RAB3IL1: variants seen among roughly 807,000 people sequenced by gnomAD.
RAB3IL1 encodes the protein RAB3A interacting protein like 1, also known as guanine nucleotide exchange factor for Rab-3A.
RAB3IL1 carries 37 observed loss-of-function variants against 49.2 expected under a neutral mutation model. The observed-to-expected ratio is 0.75, with a 90% CI of 0.58 to 0.99. RAB3IL1 has a LOEUF of 0.99. Ranked by LOEUF, RAB3IL1 falls within the 50% of genes least tolerant of loss-of-function variation. The pLI, the probability that RAB3IL1 is intolerant of heterozygous loss-of-function variation, is 0.00. For synonymous variants in RAB3IL1, 193 were observed against 213.9 expected (o/e 0.90, Z 0.85); for missense variants, 484 against 513.0 (o/e 0.94, Z 0.55).
the RAB3IL1 span, among the ~76,000 whole-genome samples, chr11:61,944,190 TC>T: frequency 3.5e-5 from 5 of 141,894 alleles, no homozygotes; most frequent in Non-Finnish European, 6.2e-5. Flanking sequence ...TTCCCTTCCT[TC>T]CCTTCCTTCC....
the RAB3IL1 span, among the ~76,000 whole-genome samples, chr11:61,938,642 T>C: frequency 6.6e-6 from 1 of 152,132 alleles, no homozygotes; most frequent in Non-Finnish European, 1.5e-5. Flanking sequence ...GCTGGAAATA[T>C]CGGCTGAGCA....
At chr11:61,911,994 G>C (rs966515976) in intron 1 of RAB3IL1, among the ~76,000 whole-genome samples, 7 of 152,224 alleles carry the variant, frequency 4.6e-5, no homozygotes, top group African/African-American at 1.4e-4. Context: ...CCCCAAGCCA[G>C]CAGGGCCTGG....
intron 2 of RAB3IL1, 110 bp downstream of exon 2, chr11:61,907,944 G>A: frequency 6.8e-7 from 1 of 1,471,848 alleles, no homozygotes. Context: ...CCTCGGTGAG[G>A]GCACATCCCT....
chr11:61,937,161 T>C, the RAB3IL1 span, among the ~76,000 whole-genome samples: 3 of 152,192 alleles, frequency 2.0e-5, no homozygotes, highest in African/African-American at 4.8e-5. Context: ...TTGATGGGCA[T>C]GTAAGGCATA....
rs763399195 is a variant in RAB3IL1, at chr11:61,904,582, G to A, written c.863C>T (p.Thr288Ile). ...IEPVASQTLP[T>I]VKVAEVDCSS... is the part of the protein sequence containing the mutation. ...ACAGTCAACCTCGGCCACCTTCACT[G>A]TGGGCAGCGTCTGCGAAGCCACCGG... Residue 288 changes from threonine to isoleucine, a missense_variant, in exon 7 of 10, where the codon ACA (threonine) becomes ATA (isoleucine). Coordinates refer to ENST00000394836, the MANE Select transcript of RAB3IL1 (RefSeq NM_013401.4). The A allele has an allele frequency of 1.9e-6, 3 of 1,613,012 alleles. No homozygotes were observed. Among genetic ancestry groups the A allele is most frequent in the East Asian group, 2.2e-5 (1 of 44,898 alleles).
At chr11:61,917,666 C>G, upstream of RAB3IL1, 1 of 722,658 alleles carries the variant, frequency 1.4e-6, no homozygotes, top group Non-Finnish European at 1.7e-6. Flanking sequence ...CTGGCCCCAC[C>G]CGGCCCGCCG....
At chr11:61,912,133 C>G (rs974412066) in intron 1 of RAB3IL1, among the ~76,000 whole-genome samples, 1 of 152,184 alleles carries the variant, frequency 6.6e-6, no homozygotes. Flanking sequence ...GAGGGGACAG[C>G]AAGGGTGGTT....
chr11:61,920,875 A>ATCC (rs1939889564), upstream of RAB3IL1, among the ~76,000 whole-genome samples: 1 of 152,190 alleles, frequency 6.6e-6, no homozygotes, highest in Non-Finnish European at 1.5e-5. Flanking sequence ...GTGAGCTGAG[A>ATCC]CTGGGCCATT....
At chr11:61,934,147 G>A in the RAB3IL1 span, among the ~76,000 whole-genome samples, 2 of 151,870 alleles carry the variant, frequency 1.3e-5, no homozygotes, top group South Asian at 4.2e-4. Flanking sequence ...TAGCTGAGAT[G>A]ATTTCCAAGC....
the RAB3IL1 span, among the ~76,000 whole-genome samples, chr11:61,941,881 T>A: frequency 5.3e-5 from 8 of 152,148 alleles, no homozygotes; most frequent in Non-Finnish European, 1.0e-4. Context: ...GTGGGATTTA[T>A]CATGGGAATG....
intron 8 of RAB3IL1, among the ~76,000 whole-genome samples, chr11:61,902,120 G>C (rs1476467559): frequency 6.6e-6 from 1 of 152,012 alleles, no homozygotes; most frequent in Non-Finnish European, 1.5e-5. Flanking sequence ...TTCGAGTTCA[G>C]CCTGGCCAAC....
upstream of RAB3IL1, chr11:61,920,231 C>T (rs913851805): frequency 1.6e-5 from 20 of 1,243,124 alleles, no homozygotes; most frequent in African/African-American, 1.7e-4. Context: ...TGGAGGGTGC[C>T]GGGAAGGGAG....
At chr11:61,915,123 A>G (rs1051138172) in intron 1 of RAB3IL1, among the ~76,000 whole-genome samples, 14 of 152,166 alleles carry the variant, frequency 9.2e-5, no homozygotes, top group Admixed American at 9.2e-4. Context: ...CCAGCTTCTC[A>G]CTGCCCCTCA....
chr11:61,926,868 A>AT, the RAB3IL1 span, among the ~76,000 whole-genome samples: 1 of 151,126 alleles, frequency 6.6e-6, no homozygotes, highest in East Asian at 1.9e-4. Flanking sequence ...GAAAACTTTT[A>AT]TTTCATCACT....
In RAB3IL1 at chr11:61,906,634, C is replaced by T. The variant is rs372546543; in HGVS notation, c.489G>A (p.Thr163=). ...CGCGGTTGGGAGAGGCTGGTGTGGACGTGATGACCAGCGTCTTCAAGGCTG... is the reference window on the plus strand; with the variant it reads ...CGCGGTTGGGAGAGGCTGGTGTGGATGTGATGACCAGCGTCTTCAAGGCTG... ...EVTALKTLVI[T]STPASPNREL... is the part of the protein sequence containing the mutation. Residue 163 remains threonine (T), a synonymous_variant, in exon 5 of 10, where the codon ACG becomes ACA. Coordinates refer to ENST00000394836, the MANE Select transcript of RAB3IL1 (RefSeq NM_013401.4). The surrounding 1 kb of genome is among the most constrained non-coding windows in gnomAD (Gnocchi z 4.6). 14 of 1,611,168 alleles carry T rather than the reference C, an allele frequency of 8.7e-6. No individual in the cohort carries two copies. The highest frequency in any genetic ancestry group is 1.7e-4 in the Middle Eastern group (1 of 6,050).
At chr11:61,940,776 G>A in the RAB3IL1 span, among the ~76,000 whole-genome samples, 4 of 151,970 alleles carry the variant, frequency 2.6e-5, no homozygotes, top group East Asian at 3.9e-4. Flanking sequence ...AAAAATTAGC[G>A]GGGCATGGTG....
At chr11:61,931,810 G>T in the RAB3IL1 span, among the ~76,000 whole-genome samples, 1 of 152,114 alleles carries the variant, frequency 6.6e-6, no homozygotes, top group Non-Finnish European at 1.5e-5. Context: ...AAAGCATGAT[G>T]GTAGAAATGA....
intron 8 of RAB3IL1, 107 bp from the exon 9 acceptor site, chr11:61,899,487 G>T: frequency 9.3e-7 from 1 of 1,071,180 alleles, no homozygotes; most frequent in Non-Finnish European, 1.4e-6. Flanking sequence ...TGCAGAGCCA[G>T]GCAGTGCTCC....
Position 61,904,733 on chromosome 11 carries a change from C to T in RAB3IL1, c.786+21G>A, listed in dbSNP as rs915328452. The T allele has an allele frequency of 1.1e-5, 18 of 1,582,590 alleles. No homozygotes were observed. The African/African-American group carries it at 2.3e-4, about 20-fold the overall frequency. ...CGGAGGGGTGTGTCCCCCAGCTGGC[C>T]CCGCCCCTGCCATGCCTCACCTCCT... On this transcript the variant is annotated intron_variant, in intron 6 of 9. Coordinates refer to ENST00000394836, the MANE Select transcript of RAB3IL1 (RefSeq NM_013401.4).
Sources: allele counts gnomAD v4.1 joint callset (sites outside exome capture counted in the v4.1 genomes callset), GRCh38; gene constraint gnomAD v4.1.1; non-coding constraint Gnocchi (gnomAD v3.1); transcripts MANE v1.5; gene names NCBI Gene and HGNC (gene_info 2026-07-23, HGNC 2026-07-21).